Variants in GRIK2 observed in about 807,000 individuals in gnomAD.
The protein encoded by GRIK2 is glutamate ionotropic receptor kainate type subunit 2, also known as glutamate receptor ionotropic, kainate 2.
Under a neutral mutation model 100.3 loss-of-function variants are expected in GRIK2, and 32 were observed. That is an observed-to-expected ratio of 0.32 (90% CI 0.24 to 0.43). GRIK2 has a LOEUF of 0.43. GRIK2 is among the 20% of genes least tolerant of loss of function. The pLI is 1.00. For missense variants in GRIK2, 843 were observed against 1,114.9 expected, an observed-to-expected ratio of 0.76 and a Z score of 3.47; for synonymous variants, 417 against 389.4, an observed-to-expected ratio of 1.07 and a Z score of -0.83.
chr6:101,732,583 C>A (rs1485574306), intron 7 of GRIK2, among the ~76,000 whole-genome samples: 2 of 151,966 alleles, frequency 1.3e-5, no homozygotes, highest in Admixed American at 6.6e-5. Context: ...AGAGAACTGG[C>A]CAAATATTTA....
intron 7 of GRIK2, among the ~76,000 whole-genome samples, chr6:101,766,913 G>A (rs1157514886): frequency 6.6e-6 from 1 of 152,202 alleles, no homozygotes; most frequent in Non-Finnish European, 1.5e-5. Flanking sequence ...CAGTAGATAA[G>A]ATGGCATGCA....
chr6:101,438,166 G>A (rs573395839), intron 2 of GRIK2, among the ~76,000 whole-genome samples: 3 of 152,172 alleles, frequency 2.0e-5, no homozygotes, highest in Admixed American at 1.3e-4. Context: ...TGTAATTCTA[G>A]CATGTTAGTA....
At chr6:101,538,624 A>T (rs562312174) in intron 2 of GRIK2, among the ~76,000 whole-genome samples, 335 of 139,796 alleles carry the variant, frequency 2.4e-3, no homozygotes, top group Middle Eastern at 7.2e-3. Flanking sequence ...TTTTTTTTTT[A>T]AATTCAACCC....
chr6:101,971,131 A>G (rs1251206271), intron 14 of GRIK2, among the ~76,000 whole-genome samples: 1 of 145,438 alleles, frequency 6.9e-6, no homozygotes, highest in African/African-American at 2.8e-5. Context: ...ATTGGAAAAT[A>G]TTTGTAGATC....
intron 14 of GRIK2, among the ~76,000 whole-genome samples, chr6:102,021,490 A>T (rs867844887): frequency 6.6e-5 from 10 of 151,768 alleles, no homozygotes; most frequent in African/African-American, 2.2e-4. Flanking sequence ...TTTTATATTT[A>T]ATACTGTTTT....
intron 7 of GRIK2, among the ~76,000 whole-genome samples, chr6:101,687,004 A>T (rs577260239): frequency 4.8e-4 from 73 of 152,248 alleles, no homozygotes; most frequent in Admixed American, 1.2e-3. Flanking sequence ...AAGTTTTCTT[A>T]TACTGTGTCC....
intron 2 of GRIK2, among the ~76,000 whole-genome samples, chr6:101,552,156 G>C (rs1776543826): frequency 6.6e-6 from 1 of 152,092 alleles, no homozygotes; most frequent in Non-Finnish European, 1.5e-5. Context: ...TTGGAAGTGG[G>C]AGTAAATTCA....
chr6:101,806,194 A>C (rs1290558007), intron 9 of GRIK2, among the ~76,000 whole-genome samples: 1 of 152,082 alleles, frequency 6.6e-6, no homozygotes, highest in Non-Finnish European at 1.5e-5. Context: ...TGCCTAGTTC[A>C]GGCAATACTT....
intron 2 of GRIK2, among the ~76,000 whole-genome samples, chr6:101,462,041 G>A (rs1771336529): frequency 6.6e-6 from 1 of 152,050 alleles, no homozygotes; most frequent in African/African-American, 2.4e-5. Context: ...TGTGATCTTG[G>A]GGAATTTATG....
At position 102,036,222 on chromosome 6, in the gene GRIK2, C is replaced by T. The variant is rs564336786; in HGVS notation, c.2311+656C>T. Reference sequence around the variant, plus strand: ...TGTATGAATATGTATATGATGGTGCCGTAAGTAAACACACACACACACACA... The same window carrying T: ...TGTATGAATATGTATATGATGGTGCTGTAAGTAAACACACACACACACACA... On this transcript the variant is annotated intron_variant, in intron 15 of 16. Coordinates refer to ENST00000369134, the MANE Select transcript of GRIK2 (RefSeq NM_021956.5). Among the ~76,000 whole-genome samples the T allele has an allele frequency of 1.7e-3, 195 of 113,740 alleles. 1 individual carries two copies. Among genetic ancestry groups the T allele is most frequent in the Non-Finnish European group, 2.2e-3 (124 of 55,472 alleles). 74.6% of individuals were successfully genotyped at this position (113,740 alleles called of 152,430 possible).
At chr6:101,752,261 G>A (rs1776838236) in intron 7 of GRIK2, among the ~76,000 whole-genome samples, 1 of 152,010 alleles carries the variant, frequency 6.6e-6, no homozygotes, top group Non-Finnish European at 1.5e-5. Flanking sequence ...TCCTCAACGA[G>A]CCTCAAAATA....
chr6:101,694,968 A>C (rs1048917050), intron 7 of GRIK2, among the ~76,000 whole-genome samples: 1 of 149,768 alleles, frequency 6.7e-6, no homozygotes, highest in Non-Finnish European at 1.5e-5. Flanking sequence ...ATGATTTTAT[A>C]TAAATATAAA....
rs770948153 is a variant in GRIK2 at position 101,703,998 on chromosome 6, G to A, written c.951+17645G>A. Among the ~76,000 whole-genome samples, 91 of 151,634 alleles carry A rather than the reference G, an allele frequency of 6.0e-4. 1 individual carries two copies. Among genetic ancestry groups the A allele is most frequent in the Admixed American group, 7.9e-4 (12 of 15,152 alleles). ...TTGAATTGGAAGAGAAATTTAGAAG[G>A]TTTAAGAAGGGGCAATAGGAGCAAA... On this transcript the variant is annotated intron_variant, in intron 7 of 16. Transcript: ENST00000369134.
At chr6:101,432,251 T>G (rs550243949) in intron 2 of GRIK2, among the ~76,000 whole-genome samples, 65 of 152,280 alleles carry the variant, frequency 4.3e-4, no homozygotes, top group African/African-American at 1.5e-3. Context: ...TAGGAAGAGT[T>G]GCTTCCTGAA....
At chr6:101,925,262 A>G (rs543565484) in intron 13 of GRIK2, among the ~76,000 whole-genome samples, 2 of 152,286 alleles carry the variant, frequency 1.3e-5, no homozygotes, top group African/African-American at 4.8e-5. Context: ...AAAATATTGC[A>G]TGCTCGGAAG....
intron 14 of GRIK2, among the ~76,000 whole-genome samples, chr6:101,937,343 A>T (rs1790679427): frequency 6.6e-6 from 1 of 152,104 alleles, no homozygotes; most frequent in African/African-American, 2.4e-5. Flanking sequence ...GTCCCAACTC[A>T]TCAGTCTTAG....
intron 2 of GRIK2, among the ~76,000 whole-genome samples, chr6:101,577,210 T>C (rs1582752336): frequency 2.0e-5 from 3 of 151,974 alleles, no homozygotes; most frequent in South Asian, 2.1e-4. Context: ...GCATCTGACA[T>C]AGGGAGTTCT....
intron 2 of GRIK2, among the ~76,000 whole-genome samples, chr6:101,502,472 G>C (rs1773809453): frequency 1.3e-5 from 2 of 151,892 alleles, no homozygotes; most frequent in African/African-American, 4.8e-5. Context: ...GAAATAAAAA[G>C]ATTTCCGAGA....
chr6:101,905,364 A>C (rs1788149648), intron 12 of GRIK2, among the ~76,000 whole-genome samples: 1 of 151,628 alleles, frequency 6.6e-6, no homozygotes, highest in Non-Finnish European at 1.5e-5. Context: ...TTTCATTTAT[A>C]GTTAATGGGA....
Sources: gnomAD v4.1 joint callset for allele counts (sites outside exome capture counted in the v4.1 genomes callset) on GRCh38, gnomAD v4.1.1 for gene constraint, MANE v1.5 for transcripts, NCBI Gene and HGNC (gene_info 2026-07-23, HGNC 2026-07-21) for gene names.